Variants in RGS7 observed in about 807,000 individuals in gnomAD.
The protein encoded by RGS7 is regulator of G protein signaling 7.
A neutral mutation model predicts 81.1 loss-of-function variants in RGS7; 27 were observed. That is an observed-to-expected ratio of 0.33 (90% CI 0.25 to 0.46). The LOEUF (loss-of-function observed/expected upper bound fraction) is 0.46, where lower values mean the gene tolerates loss of function less well. RGS7 is among the 20% of genes least tolerant of loss of function. The pLI is 1.00. For missense variants in RGS7, 396 were observed against 607.4 expected (o/e 0.65, Z 3.66); for synonymous variants, 208 against 207.7 (o/e 1.00, Z -0.01).
rs539706176 is a variant in RGS7 at position 241,199,841 on chromosome 1, C to A, written c.79-101079G>T. 7.2e-4 allele frequency among the ~76,000 whole-genome samples: 110 copies of A among 152,260 alleles called. 1 individual carries two copies. In the South Asian group the frequency reaches 0.022, roughly 30 times the overall value. ...AACCTCAGTCCGTCAATCAGAAAAA[C>A]TACTGCTATCATCACACAGAAGGGG... On this transcript the variant is annotated intron_variant, in intron 2 of 18. Transcript: ENST00000440928.
intron 3 of RGS7, among the ~76,000 whole-genome samples, chr1:241,081,058 G>A (rs2815845): frequency 0.16 from 24,450 of 152,094 alleles, 2,040 homozygotes; most frequent in African/African-American, 0.19. Context: ...ACACTGGAGC[G>A]GTGACTTTAT....
At chr1:241,290,909 T>C (rs990919081) in intron 2 of RGS7, among the ~76,000 whole-genome samples, 2 of 152,334 alleles carry the variant, frequency 1.3e-5, no homozygotes, top group East Asian at 1.9e-4. Context: ...AAGATTTGTA[T>C]GTATGTATGC....
chr1:241,346,231 T>C (rs1379877094), intron 2 of RGS7, among the ~76,000 whole-genome samples: 1 of 152,168 alleles, frequency 6.6e-6, no homozygotes, highest in Non-Finnish European at 1.5e-5. Context: ...ATAATTTATA[T>C]CAGTCAGTTC....
chr1:241,057,634 C>T (rs2061537371), intron 3 of RGS7, among the ~76,000 whole-genome samples: 1 of 152,046 alleles, frequency 6.6e-6, no homozygotes, highest in Admixed American at 6.6e-5. Context: ...AAATTTATAG[C>T]TGGGCATGGT....
At chr1:241,123,846 AGTCATGGT>A (rs1352360464) in intron 2 of RGS7, among the ~76,000 whole-genome samples, 2 of 152,220 alleles carry the variant, frequency 1.3e-5, no homozygotes, top group South Asian at 2.1e-4. Context: ...CCTATGTCCT[AGTCATGGT>A]AGCATGGGAC....
chr1:240,827,447 T>C (rs554785039), intron 9 of RGS7, among the ~76,000 whole-genome samples: 1 of 152,246 alleles, frequency 6.6e-6, no homozygotes, highest in African/African-American at 2.4e-5. Flanking sequence ...ACTGCACATG[T>C]GAAAGTGGTG....
intron 4 of RGS7, among the ~76,000 whole-genome samples, chr1:240,959,377 T>C (rs565002066): frequency 2.6e-5 from 4 of 152,276 alleles, no homozygotes; most frequent in South Asian, 4.1e-4. Context: ...CTAGACTATA[T>C]GGTATAGCCT....
chr1:240,822,911 A>T (rs938057284), intron 10 of RGS7: 17 of 408,668 alleles, frequency 4.2e-5, no homozygotes, highest in African/African-American at 3.1e-4. Context: ...GAGGCTGGAT[A>T]GTAATAAACA....
In RGS7 at chr1:241,354,189, T is replaced by C. The variant is rs549408528; in HGVS notation, c.78+1510A>G. Among the ~76,000 whole-genome samples, 14 of 152,268 alleles carry C rather than the reference T, an allele frequency of 9.2e-5. No individual in the cohort carries two copies. In the East Asian group the frequency reaches 2.5e-3, roughly 27 times the overall value. On this transcript the variant is annotated intron_variant, in intron 2 of 18. Coordinates refer to ENST00000440928, the MANE Select transcript of RGS7 (RefSeq NM_001364886.1). ...TTGCATATTACAATACTCAGAGTCTTACCAAACACAAAATATTATGACTTA... is the reference window on the plus strand; with the variant it reads ...TTGCATATTACAATACTCAGAGTCTCACCAAACACAAAATATTATGACTTA...
intron 2 of RGS7, among the ~76,000 whole-genome samples, chr1:241,160,721 C>T (rs565113047): frequency 6.6e-6 from 1 of 152,296 alleles, no homozygotes; most frequent in South Asian, 2.1e-4. Context: ...ATTCAAATGG[C>T]GATTCGCCAG....
intron 3 of RGS7, among the ~76,000 whole-genome samples, chr1:241,070,241 G>A (rs1211550262): frequency 6.6e-6 from 1 of 151,136 alleles, no homozygotes; most frequent in Non-Finnish European, 1.5e-5. Flanking sequence ...TTGATGGGTT[G>A]CTTGCTGATA....
rs1293881432 is a variant in RGS7, at chr1:241,164,565, A to C, written c.79-65803T>G. ...AAATGGGATCAAAGACCAAATATAT[A>C]TTCTACAATATCACAGGAGTCCTTG... On this transcript the variant is annotated intron_variant, in intron 2 of 18. Transcript: ENST00000440928. This position sits in a 1 kb window ranked among gnomAD's most constrained non-coding sequence, Gnocchi z 4.1. 1.3e-5 allele frequency among the ~76,000 whole-genome samples: 2 copies of C among 152,184 alleles called. No homozygotes were observed. The highest frequency in any genetic ancestry group is 2.9e-5 in the Non-Finnish European group (2 of 68,032).
At chr1:241,354,435 C>T (rs2083435078) in intron 2 of RGS7, among the ~76,000 whole-genome samples, 1 of 152,194 alleles carries the variant, frequency 6.6e-6, no homozygotes, top group African/African-American at 2.4e-5. Flanking sequence ...ATCTCAGACA[C>T]ATATAAATGC....
intron 2 of RGS7, among the ~76,000 whole-genome samples, chr1:241,131,522 T>A (rs955630138): frequency 6.6e-6 from 1 of 152,156 alleles, no homozygotes; most frequent in East Asian, 1.9e-4. Flanking sequence ...TGAGAACTAC[T>A]GTTTGTAGAA....
intron 3 of RGS7, among the ~76,000 whole-genome samples, chr1:241,016,522 A>C (rs12030729): frequency 6.6e-6 from 1 of 151,770 alleles, no homozygotes; most frequent in Non-Finnish European, 1.5e-5. Context: ...ATCTCAAAAA[A>C]ACACAAAAAA....
intron 4 of RGS7, among the ~76,000 whole-genome samples, chr1:240,972,265 T>C (rs1397663552): frequency 6.6e-6 from 1 of 151,702 alleles, no homozygotes; most frequent in Non-Finnish European, 1.5e-5. Flanking sequence ...ATTGCGGCAT[T>C]ATTCACAATA....
Position 241,071,569 on chromosome 1 carries a change from C to T in RGS7, c.175+27097G>A, listed in dbSNP as rs7534675. On this transcript the variant is annotated intron_variant, in intron 3 of 18. Coordinates refer to ENST00000440928, the MANE Select transcript of RGS7 (RefSeq NM_001364886.1). ...ATTTTTATTCTCTGATCTTTAGTCA[C>T]TTTACTGTAAAATGAAGATGAAGTC... is the stretch of plus-strand genomic sequence containing the variant. Among the ~76,000 whole-genome samples, 1,095 of 150,112 alleles carry T rather than the reference C, an allele frequency of 7.3e-3. 14 individuals carry two copies. Among genetic ancestry groups the T allele is most frequent in the African/African-American group, 0.025 (1,040 of 40,852 alleles).
At chr1:240,900,599 C>T (rs1669839286) in intron 6 of RGS7, among the ~76,000 whole-genome samples, 1 of 152,180 alleles carries the variant, frequency 6.6e-6, no homozygotes, top group Non-Finnish European at 1.5e-5. Context: ...GCTGAGGCTA[C>T]ACAACAACAA....
At chr1:241,297,496 A>C (rs910544147) in intron 2 of RGS7, among the ~76,000 whole-genome samples, 1 of 152,242 alleles carries the variant, frequency 6.6e-6, no homozygotes, top group African/African-American at 2.4e-5. Flanking sequence ...GGGAAAATCC[A>C]TAATAAGCTC....
Sources: gnomAD v4.1 joint callset for allele counts (sites outside exome capture counted in the v4.1 genomes callset) on GRCh38, gnomAD v4.1.1 for gene constraint, Gnocchi (gnomAD v3.1) non-coding constraint, MANE v1.5 for transcripts, NCBI Gene and HGNC (gene_info 2026-07-23, HGNC 2026-07-21) for gene names.